The following PRMT9 variants were observed in gnomAD, a reference collection of about 807,000 sequenced individuals.
PRMT9 encodes protein arginine N-methyltransferase 9.
Under a neutral mutation model 83.2 loss-of-function variants are expected in PRMT9, and 59 were observed. That is an observed-to-expected ratio of 0.71 (90% CI 0.57 to 0.88). PRMT9 has a LOEUF of 0.88. PRMT9 is among the 40% of genes least tolerant of loss of function. The pLI is 0.00. For missense variants in PRMT9, 947 were observed against 1,021.9 expected (o/e 0.93, Z 1.00); for synonymous variants, 333 against 353.2 (o/e 0.94, Z 0.64).
chr4:147,659,579 C>CTTTTTTTTTTTTTT (rs33942571), intron 7 of PRMT9, among the ~76,000 whole-genome samples: 4 of 121,646 alleles, frequency 3.3e-5, no homozygotes, highest in East Asian at 2.4e-4. Context: ...ACTTTCTTTT[C>CTTTTTTTTTTTTTT]TTTTTTTTTT....
At chr4:147,677,159 T>C (rs909943827) in intron 2 of PRMT9, among the ~76,000 whole-genome samples, 1 of 151,970 alleles carries the variant, frequency 6.6e-6, no homozygotes, top group South Asian at 2.1e-4. Flanking sequence ...TATAATCATG[T>C]TTCCTAAACA....
In PRMT9 at chr4:147,670,673, G is replaced by C. The variant is rs1283295022; in HGVS notation, c.814C>G (p.His272Asp). Residue 272 changes from histidine (H) to aspartate (D), a missense_variant, in exon 5 of 12, where the codon CAT (histidine) becomes GAT (aspartate). By Grantham distance (81) the His-to-Asp change is moderately conservative. Coordinates refer to ENST00000322396, the MANE Select transcript of PRMT9 (RefSeq NM_138364.4). ...TGTAAAAGTAAATGCTCCCATGCAT[G>C]AATCAAACTCTCCACAATTCCTTCT... ...FGEGIVESLI[H>D]AWEHLLLQPK... 3 of 1,612,960 alleles carry C rather than the reference G, an allele frequency of 1.9e-6. No individual in the cohort carries two copies. The highest frequency in any genetic ancestry group is 2.5e-6 in the Non-Finnish European group (3 of 1,179,200).
intron 6 of PRMT9, among the ~76,000 whole-genome samples, chr4:147,661,500 C>G (rs1734944441): frequency 6.6e-6 from 1 of 152,010 alleles, no homozygotes; most frequent in South Asian, 2.1e-4. Context: ...GAGTTAAAAT[C>G]ACAATGCAGG....
intron 7 of PRMT9, among the ~76,000 whole-genome samples, chr4:147,659,726 C>T (rs1415230853): frequency 6.6e-6 from 1 of 151,758 alleles, no homozygotes; most frequent in African/African-American, 2.4e-5. Context: ...TAGAGGCACC[C>T]GCCACCACAC....
At chr4:147,657,764 G>GT (rs762019741) in intron 8 of PRMT9, 28 bp downstream of exon 8, 7 of 1,571,694 alleles carry the variant, frequency 4.5e-6, no homozygotes, top group Non-Finnish European at 6.1e-6. Flanking sequence ...AAAGCAAGAG[G>GT]TTAAAAAAAA....
chr4:147,642,492 G>A (rs1733467906), intron 10 of PRMT9, among the ~76,000 whole-genome samples: 1 of 147,680 alleles, frequency 6.8e-6, no homozygotes, highest in Admixed American at 6.9e-5. Context: ...CCACCCGCCT[G>A]GGCCTCCCAA....
intron 6 of PRMT9, among the ~76,000 whole-genome samples, chr4:147,665,442 CTTAT>C (rs1735263389): frequency 1.3e-5 from 2 of 152,146 alleles, no homozygotes; most frequent in Admixed American, 6.5e-5. Flanking sequence ...CATTAGGGCC[CTTAT>C]TTATTTTGGT....
intron 6 of PRMT9, among the ~76,000 whole-genome samples, chr4:147,664,743 T>C (rs1288176450): frequency 6.6e-6 from 1 of 152,078 alleles, no homozygotes; most frequent in Non-Finnish European, 1.5e-5. Context: ...CCATGGCACA[T>C]GTATACCTAT....
chr4:147,651,469 A>G (rs1734091576), intron 9 of PRMT9, among the ~76,000 whole-genome samples: 1 of 152,352 alleles, frequency 6.6e-6, no homozygotes, highest in Non-Finnish European at 1.5e-5. Context: ...TGGGAAAAAA[A>G]TATTTACAAA....
At chr4:147,663,110 G>A (rs1045764966) in intron 6 of PRMT9, among the ~76,000 whole-genome samples, 4 of 149,320 alleles carry the variant, frequency 2.7e-5, no homozygotes, top group Admixed American at 1.3e-4. Context: ...CCCAGTTCAC[G>A]CCATTCTCCT....
At chr4:147,659,211 G>C (rs1041458149) in intron 7 of PRMT9, among the ~76,000 whole-genome samples, 9 of 149,992 alleles carry the variant, frequency 6.0e-5, no homozygotes, top group African/African-American at 2.0e-4. Flanking sequence ...GACCAGCCTG[G>C]CCAACATGGT....
chr4:147,657,398 G>A (rs116671234), intron 8 of PRMT9, among the ~76,000 whole-genome samples: 1,594 of 152,056 alleles, frequency 0.01, 41 homozygotes, highest in African/African-American at 0.037. Context: ...AGCAGCGGGC[G>A]CCTGTAGTCT....
intron 1 of PRMT9, among the ~76,000 whole-genome samples, chr4:147,682,712 A>G (rs1443521979): frequency 6.6e-6 from 1 of 152,238 alleles, no homozygotes; most frequent in Non-Finnish European, 1.5e-5. Context: ...AGATCACTTG[A>G]GTTGATCCAT....
At chr4:147,642,671 A>T (rs1733481516) in intron 10 of PRMT9, 116 bp downstream of exon 10, 2 of 908,276 alleles carry the variant, frequency 2.2e-6, no homozygotes, top group Non-Finnish European at 3.6e-6. Context: ...AGTCACTGTG[A>T]TTAATCCAGC....
chr4:147,647,931 T>C (rs1733833637), intron 9 of PRMT9, among the ~76,000 whole-genome samples: 5 of 152,114 alleles, frequency 3.3e-5, no homozygotes, highest in Admixed American at 3.3e-4. Flanking sequence ...CCTCTTTGAG[T>C]TCAATAATTT....
chr4:147,650,428 G>A (rs866329374), intron 9 of PRMT9, among the ~76,000 whole-genome samples: 2 of 152,048 alleles, frequency 1.3e-5, no homozygotes, highest in Non-Finnish European at 2.9e-5. Context: ...ATTTATAATA[G>A]CATCTAAAAA....
intron 6 of PRMT9, 31 bp downstream of exon 6, chr4:147,668,508 T>C (rs771205223): frequency 8.0e-7 from 1 of 1,250,908 alleles, no homozygotes; most frequent in Non-Finnish European, 1.2e-6. Context: ...AGGTGCTTTA[T>C]AGCAGTGTGA....
At chr4:147,645,756 C>A (rs997794846) in intron 9 of PRMT9, among the ~76,000 whole-genome samples, 5 of 152,104 alleles carry the variant, frequency 3.3e-5, no homozygotes, top group Non-Finnish European at 7.4e-5. Flanking sequence ...ACAAGCTAAC[C>A]GGAAGCCATA....
At position 147,684,068 on chromosome 4, in the gene PRMT9, G is replaced by T; in HGVS notation, c.-81C>A. 2 of 1,444,684 alleles carry T rather than the reference G, an allele frequency of 1.4e-6. No homozygotes were observed. Among genetic ancestry groups the T allele is most frequent in the South Asian group, 1.2e-5 (1 of 83,280 alleles). 89.5% of individuals were successfully genotyped at this position (1,444,684 alleles called of 1,614,324 possible). On this transcript the variant is annotated 5_prime_UTR_variant, in exon 1 of 12. Transcript: ENST00000322396. ...ACTCTCTCGATGCTACACTTCCAGG[G>T]ACCAGACAACTGCTCAAAAAACAGC...
Sources: gnomAD v4.1 joint callset for allele counts (sites outside exome capture counted in the v4.1 genomes callset) on GRCh38, gnomAD v4.1.1 for gene constraint, MANE v1.5 for transcripts, NCBI Gene and HGNC (gene_info 2026-07-23, HGNC 2026-07-21) for gene names.